The following DLG2 variants were observed in gnomAD, a reference collection of about 807,000 sequenced individuals.
DLG2 encodes the protein discs large MAGUK scaffold protein 2.
Under a neutral mutation model 132.5 loss-of-function variants are expected in DLG2, and 45 were observed. That is an observed-to-expected ratio of 0.34 (90% CI 0.27 to 0.44). DLG2 has a LOEUF of 0.44. DLG2 is among the 20% of genes least tolerant of loss of function. The probability of loss-of-function intolerance (pLI) is 1.00; values close to 1 mark genes in which losing one functional copy is unlikely to be tolerated. For missense variants in DLG2, 1,045 were observed against 1,196.9 expected, an observed-to-expected ratio of 0.87 and a Z score of 1.87; for synonymous variants, 424 against 419.6, an observed-to-expected ratio of 1.01 and a Z score of -0.13.
intron 3 of DLG2, among the ~76,000 whole-genome samples, chr11:85,535,037 G>A (rs1598343609): frequency 6.6e-6 from 1 of 152,240 alleles, no homozygotes; most frequent in Non-Finnish European, 1.5e-5. Flanking sequence ...CATTCTGACT[G>A]GTGTGACATG....
intron 17 of DLG2, among the ~76,000 whole-genome samples, chr11:83,810,878 A>T (rs777622680): frequency 6.6e-6 from 1 of 152,106 alleles, no homozygotes; most frequent in East Asian, 1.9e-4. Context: ...AGTATATATA[A>T]GATGATCTCC....
chr11:84,551,920 A>T lies in DLG2; in HGVS notation c.358-17189T>A, dbSNP rs546134616. On this transcript the variant is annotated intron_variant, in intron 6 of 27. Coordinates refer to ENST00000376104, the MANE Select transcript of DLG2 (RefSeq NM_001142699.3). Reference sequence around the variant, plus strand: ...ACCCAAATACAAAATTACACAGATGAAGATGATCCCTCAGCATCTTTCCTC... The same window carrying T: ...ACCCAAATACAAAATTACACAGATGTAGATGATCCCTCAGCATCTTTCCTC... Among the ~76,000 whole-genome samples, 8 of 152,270 alleles carry T rather than the reference A, an allele frequency of 5.3e-5. No individual in the cohort carries two copies. The South Asian group carries it at 1.2e-3, about 24-fold the overall frequency.
chr11:84,543,089 G>T (rs1384921718), intron 6 of DLG2, among the ~76,000 whole-genome samples: 1 of 152,052 alleles, frequency 6.6e-6, no homozygotes, highest in Non-Finnish European at 1.5e-5. Flanking sequence ...AAGAAAACAA[G>T]AGAAGATAAA....
intron 7 of DLG2, among the ~76,000 whole-genome samples, chr11:84,291,174 T>C (rs1022680603): frequency 3.3e-5 from 5 of 152,144 alleles, no homozygotes; most frequent in Non-Finnish European, 5.9e-5. Flanking sequence ...CAGTTTTTAT[T>C]ACATATGACT....
chr11:85,085,495 G>C (rs1174119170), intron 6 of DLG2, among the ~76,000 whole-genome samples: 1 of 151,924 alleles, frequency 6.6e-6, no homozygotes, highest in Non-Finnish European at 1.5e-5. Flanking sequence ...ATTAGATCAT[G>C]AATTTATTTG....
chr11:85,521,293 C>T (rs1419831343), intron 3 of DLG2, among the ~76,000 whole-genome samples: 1 of 152,126 alleles, frequency 6.6e-6, no homozygotes, highest in Non-Finnish European at 1.5e-5. Context: ...AGGGGCTTTT[C>T]CCCCACTTTG....
intron 6 of DLG2, among the ~76,000 whole-genome samples, chr11:84,787,013 T>C (rs1455323631): frequency 6.6e-6 from 1 of 152,138 alleles, no homozygotes; most frequent in Non-Finnish European, 1.5e-5. Context: ...CAAACCAATC[T>C]AATTAGAGTG....
intron 3 of DLG2, among the ~76,000 whole-genome samples, chr11:85,423,133 T>C (rs1565470055): frequency 6.6e-6 from 1 of 152,206 alleles, no homozygotes; most frequent in Admixed American, 6.5e-5. Flanking sequence ...CTACAAGTTG[T>C]TCTCTGAGGT....
intron 19 of DLG2, among the ~76,000 whole-genome samples, chr11:83,627,360 T>C (rs925848550): frequency 3.3e-5 from 5 of 151,614 alleles, no homozygotes; most frequent in Admixed American, 1.3e-4. Context: ...CCTCCCCTCT[T>C]CCCCCACCCC....
intron 7 of DLG2, among the ~76,000 whole-genome samples, chr11:84,472,949 C>G (rs534120737): frequency 6.6e-6 from 1 of 151,944 alleles, no homozygotes; most frequent in East Asian, 1.9e-4. Flanking sequence ...CAAGAATAAA[C>G]GTTACAACAT....
chr11:83,708,108 G>T (rs143621970), intron 18 of DLG2, among the ~76,000 whole-genome samples: 92 of 152,232 alleles, frequency 6.0e-4, no homozygotes, highest in African/African-American at 2.1e-3. Flanking sequence ...CTTGGCACAT[G>T]GCAATCTTGC....
chr11:85,410,800 G>A (rs893492480), intron 3 of DLG2, among the ~76,000 whole-genome samples: 5 of 151,838 alleles, frequency 3.3e-5, no homozygotes, highest in Admixed American at 3.3e-4. Flanking sequence ...CCTAAACTGA[G>A]TAGGAGTCTG....
At position 84,015,540 on chromosome 11, in the gene DLG2, C is replaced by A. The variant is rs535590093; in HGVS notation, c.920-34898G>T. On this transcript the variant is annotated intron_variant, in intron 11 of 27. Coordinates refer to ENST00000376104, the MANE Select transcript of DLG2 (RefSeq NM_001142699.3). ...CCTGATGCTCTCCCTTTTTCCACTC[C>A]CCACTCTCCAACAGGCCCCAGTGTG... Among the ~76,000 whole-genome samples the A allele has an allele frequency of 3.3e-5, 5 of 152,134 alleles. No homozygotes were observed. The South Asian group carries it at 6.2e-4, about 19-fold the overall frequency.
intron 9 of DLG2, among the ~76,000 whole-genome samples, chr11:84,101,473 A>C (rs1401804177): frequency 2.6e-5 from 4 of 152,144 alleles, no homozygotes; most frequent in African/African-American, 7.2e-5. Context: ...ACTCTAAACT[A>C]AGACTGCAGA....
intron 6 of DLG2, among the ~76,000 whole-genome samples, chr11:84,637,014 C>T (rs61899001): frequency 0.11 from 16,311 of 151,946 alleles, 895 homozygotes; most frequent in South Asian, 0.17. Flanking sequence ...TCTTGAACTC[C>T]TGACCTCAGA....
chr11:85,527,887 T>C (rs2074900627), intron 3 of DLG2, among the ~76,000 whole-genome samples: 1 of 152,220 alleles, frequency 6.6e-6, no homozygotes, highest in South Asian at 2.1e-4. Flanking sequence ...ATGGTCACCA[T>C]TCTAACTGGC....
chr11:84,497,905 G>A (rs547974074), intron 7 of DLG2, among the ~76,000 whole-genome samples: 1 of 152,260 alleles, frequency 6.6e-6, no homozygotes, highest in African/African-American at 2.4e-5. Context: ...CACTGATTGA[G>A]CTATGGCTTG....
At chr11:84,032,629 T>C (rs2095735255) in intron 11 of DLG2, among the ~76,000 whole-genome samples, 1 of 152,196 alleles carries the variant, frequency 6.6e-6, no homozygotes, top group Non-Finnish European at 1.5e-5. Context: ...CTACCTAAGA[T>C]CATTGATGAA....
chr11:84,895,197 T>C (rs2090020848), intron 6 of DLG2, among the ~76,000 whole-genome samples: 1 of 151,906 alleles, frequency 6.6e-6, no homozygotes, highest in African/African-American at 2.4e-5. Flanking sequence ...GAATTTAAAA[T>C]TAAAATATTA....
Sources: allele counts gnomAD v4.1 joint callset (sites outside exome capture counted in the v4.1 genomes callset), GRCh38; gene constraint gnomAD v4.1.1; transcripts MANE v1.5; gene names NCBI Gene and HGNC (gene_info 2026-07-23, HGNC 2026-07-21).